The following SHANK2 variants were observed in gnomAD, a reference collection of about 807,000 sequenced individuals.
The protein encoded by SHANK2 is SH3 and multiple ankyrin repeat domains 2, also known as SH3 and multiple ankyrin repeat domains protein 2.
Under a neutral mutation model 133.7 loss-of-function variants are expected in SHANK2, and 43 were observed. The observed-to-expected ratio is 0.32, with a 90% confidence interval of 0.25 to 0.41. The LOEUF (loss-of-function observed/expected upper bound fraction) is 0.41. Among genes scored for constraint, SHANK2 ranks in the 10% least tolerant of loss-of-function variants. SHANK2 has a pLI of 1.00. For missense variants in SHANK2, 1,994 were observed against 2,235.8 expected, an observed-to-expected ratio of 0.89 and a Z score of 2.18; for synonymous variants, 1,017 against 952.8, an observed-to-expected ratio of 1.07 and a Z score of -1.24.
chr11:70,790,471 A>G (rs1947764606), intron 14 of SHANK2, among the ~76,000 whole-genome samples: 1 of 152,124 alleles, frequency 6.6e-6, no homozygotes, highest in South Asian at 2.1e-4. Flanking sequence ...TGAAGTCAAC[A>G]TTTTTCTCAG....
intron 17 of SHANK2, among the ~76,000 whole-genome samples, chr11:70,650,186 C>G (rs1273567460): frequency 6.6e-6 from 1 of 152,190 alleles, no homozygotes; most frequent in Admixed American, 6.5e-5. Flanking sequence ...GGGAGTGGGG[C>G]TCAAAGCAGA....
intron 2 of SHANK2, among the ~76,000 whole-genome samples, chr11:71,183,534 C>A (rs1953606422): frequency 6.6e-6 from 1 of 152,222 alleles, no homozygotes; most frequent in Admixed American, 6.5e-5. Context: ...TGGCTGTGCC[C>A]TGAGCAACTG....
chr11:70,848,371 G>T (rs1382781890), intron 11 of SHANK2, among the ~76,000 whole-genome samples: 3 of 152,150 alleles, frequency 2.0e-5, no homozygotes, highest in Non-Finnish European at 4.4e-5. Context: ...CCTGGCGGGG[G>T]TGATCAACCC....
At chr11:70,594,266 T>C (rs2060367757) in intron 17 of SHANK2, among the ~76,000 whole-genome samples, 1 of 152,210 alleles carries the variant, frequency 6.6e-6, no homozygotes, top group African/African-American at 2.4e-5. Flanking sequence ...AGCGACTTCA[T>C]GCCAAACACG....
At chr11:70,764,101 C>CCAA (rs1565300687) in intron 14 of SHANK2, among the ~76,000 whole-genome samples, 5 of 83,474 alleles carry the variant, frequency 6.0e-5, no homozygotes, top group African/African-American at 2.1e-4. Flanking sequence ...CATCCATCCA[C>CCAA]CCACCCACCC....
chr11:71,209,924 G>A lies in SHANK2; in HGVS notation c.-13+14773C>T, dbSNP rs978281412. 4.6e-5 allele frequency among the ~76,000 whole-genome samples: 7 copies of A among 151,938 alleles called. No individual in the cohort carries two copies. In the East Asian group the frequency reaches 1.2e-3, roughly 25 times the overall value. ...TCACAAGACTCATCAGATGCCTGGC[G>A]CCCAGTGGGGTATCTCTGGGAGTGG... On this transcript the variant is annotated intron_variant, in intron 2 of 25. Coordinates refer to ENST00000601538, the MANE Select transcript of SHANK2 (RefSeq NM_012309.5).
chr11:70,836,947 G>T (rs1555060194), intron 11 of SHANK2, among the ~76,000 whole-genome samples: 1 of 152,196 alleles, frequency 6.6e-6, no homozygotes, highest in African/African-American at 2.4e-5. Flanking sequence ...TGGTGTCCTT[G>T]TAAGAAGAGA....
At chr11:70,708,616 G>C (rs1555025462) in intron 14 of SHANK2, among the ~76,000 whole-genome samples, 1 of 152,168 alleles carries the variant, frequency 6.6e-6, no homozygotes, top group Non-Finnish European at 1.5e-5. Flanking sequence ...CCGAGGTTTG[G>C]CCAAGGACCT....
At chr11:70,622,521 G>A (rs1004112832) in intron 17 of SHANK2, among the ~76,000 whole-genome samples, 3 of 152,186 alleles carry the variant, frequency 2.0e-5, no homozygotes, top group Admixed American at 2.0e-4. Flanking sequence ...TCCAGTCCAA[G>A]ACCAAAGCTT....
chr11:71,143,486 T>C (rs1462320917), intron 3 of SHANK2, among the ~76,000 whole-genome samples: 1 of 152,210 alleles, frequency 6.6e-6, no homozygotes, highest in Non-Finnish European at 1.5e-5. Flanking sequence ...TCCGACTTCT[T>C]GTCTCAGCTC....
Position 70,502,857 on chromosome 11 carries a change from C to G in SHANK2, c.2136G>C (p.Leu712=), listed in dbSNP as rs1555159168. ...VNMIRQGGNH[L]VLKVVTVTRN... Reference sequence around the variant, plus strand: ...TGGTCACCGTGACCACCTTAAGGACCAGGTGATTCCCTCCCTGCCGGATCA... The same window carrying G: ...TGGTCACCGTGACCACCTTAAGGACGAGGTGATTCCCTCCCTGCCGGATCA... Residue 712 remains leucine, a synonymous_variant, in exon 18 of 26, where the codon CTG becomes CTC. Transcript: ENST00000601538. 1 of 1,613,654 alleles carries G rather than the reference C, an allele frequency of 6.2e-7. No individual in the cohort carries two copies. The highest frequency in any genetic ancestry group is 8.5e-7 in the Non-Finnish European group (1 of 1,179,904).
intron 10 of SHANK2, among the ~76,000 whole-genome samples, chr11:70,933,915 CAAA>C (rs1167526160): frequency 1.5e-5 from 2 of 132,584 alleles, no homozygotes; most frequent in Non-Finnish European, 3.2e-5. Context: ...AAAAAAAAAA[CAAA>C]AAACAAACAA....
At chr11:70,663,882 A>G (rs1418040707) in intron 15 of SHANK2, among the ~76,000 whole-genome samples, 1 of 152,144 alleles carries the variant, frequency 6.6e-6, no homozygotes, top group Admixed American at 6.5e-5. Flanking sequence ...CCTTTAGAAA[A>G]TGATGGGGCT....
rs113946590 is a variant in SHANK2, at chr11:70,534,672, T to C, written c.2062-31741A>G. ...CCAGCTGGATGAAAGAATGACAGTG[T>C]CCTAAGACTGCTGGGGAGTCCAAAC... On this transcript the variant is annotated intron_variant, in intron 17 of 25. Coordinates refer to ENST00000601538, the MANE Select transcript of SHANK2 (RefSeq NM_012309.5). Among the ~76,000 whole-genome samples, 1,295 of 152,220 alleles carry C rather than the reference T, an allele frequency of 8.5e-3. 17 individuals are homozygous for C. The highest frequency in any genetic ancestry group is 0.03 in the African/African-American group (1,232 of 41,526).
chr11:70,635,466 A>T (rs1555003630), intron 17 of SHANK2: 2 of 151,800 alleles, frequency 1.3e-5, no homozygotes, highest in Admixed American at 1.3e-4. Flanking sequence ...AAGCACAAAA[A>T]GATAAATACT....
chr11:70,595,720 C>T (rs554127328), intron 17 of SHANK2, among the ~76,000 whole-genome samples: 13 of 152,298 alleles, frequency 8.5e-5, no homozygotes, highest in Middle Eastern at 6.8e-3. Flanking sequence ...CCCACCGCCC[C>T]GGGTAGCGGG....
intron 1 of SHANK2, among the ~76,000 whole-genome samples, chr11:71,248,755 G>A (rs543490324): frequency 6.6e-6 from 1 of 152,250 alleles, no homozygotes; most frequent in South Asian, 2.1e-4. Flanking sequence ...TCAGTCCCAG[G>A]AGGATGCAAT....
At chr11:70,552,811 C>T (rs2059787082) in intron 17 of SHANK2, among the ~76,000 whole-genome samples, 1 of 152,102 alleles carries the variant, frequency 6.6e-6, no homozygotes, top group African/African-American at 2.4e-5. Context: ...GCCCACCTGC[C>T]CTCTAAGCTG....
At chr11:71,231,668 G>T (rs1477207564) in intron 1 of SHANK2, among the ~76,000 whole-genome samples, 6 of 152,110 alleles carry the variant, frequency 3.9e-5, no homozygotes, top group Non-Finnish European at 4.4e-5. Context: ...TAGGTGAATC[G>T]CTTTGACCCC....
Sources: allele counts gnomAD v4.1 joint callset (sites outside exome capture counted in the v4.1 genomes callset), GRCh38; gene constraint gnomAD v4.1.1; transcripts MANE v1.5; gene names NCBI Gene and HGNC (gene_info 2026-07-23, HGNC 2026-07-21).